VPS13A: variants seen among roughly 807,000 people sequenced by gnomAD.
VPS13A encodes the protein vacuolar protein sorting 13 homolog A, also known as intermembrane lipid transfer protein VPS13A.
A neutral mutation model predicts 390.9 loss-of-function variants in VPS13A; 264 were observed. That is an observed-to-expected ratio of 0.68 (90% CI 0.61 to 0.75). The LOEUF (loss-of-function observed/expected upper bound fraction) is 0.75, where lower values mean the gene tolerates loss of function less well. Among genes scored for constraint, VPS13A ranks in the 30% least tolerant of loss-of-function variants. The pLI is 0.00. For synonymous variants in VPS13A, 1,231 were observed against 1,227.1 expected (o/e 1.00, Z -0.07); for missense variants, 3,409 against 3,733.9 (o/e 0.91, Z 2.27).
At chr9:77,409,015 C>A (rs146023589) in intron 71 of VPS13A, among the ~76,000 whole-genome samples, 8,861 of 152,286 alleles carry the variant, frequency 0.058, 373 homozygotes, top group South Asian at 0.12. Flanking sequence ...GGTCCCTGAC[C>A]CCCAAGGAGC....
chr9:77,178,099 C>T (rs1823757530), intron 1 of VPS13A: 8 of 365,540 alleles, frequency 2.2e-5, no homozygotes, highest in Non-Finnish European at 1.0e-5. Flanking sequence ...GCGTTCAAGT[C>T]CCGGCGAGGG....
intron 69 of VPS13A, among the ~76,000 whole-genome samples, chr9:77,405,443 A>G (rs1321313702): frequency 6.6e-6 from 1 of 152,170 alleles, no homozygotes; most frequent in Non-Finnish European, 1.5e-5. Context: ...TGCCTTACAT[A>G]TTTGATTTTG....
intron 33 of VPS13A, among the ~76,000 whole-genome samples, chr9:77,301,206 A>T (rs948580877): frequency 6.6e-6 from 1 of 152,242 alleles, no homozygotes; most frequent in Non-Finnish European, 1.5e-5. Flanking sequence ...AGATATAGAT[A>T]TATAAAATAC....
At chr9:77,281,844 A>G (rs1182642428) in intron 27 of VPS13A, 23 bp from the exon 28 acceptor site, 14 of 1,548,984 alleles carry the variant, frequency 9.0e-6, no homozygotes, top group Non-Finnish European at 1.2e-5. Context: ...GTGTTCTAAC[A>G]GATTTGTTTT....
intron 34 of VPS13A, among the ~76,000 whole-genome samples, chr9:77,303,704 T>A (rs142351678): frequency 6.6e-6 from 1 of 152,124 alleles, no homozygotes; most frequent in Non-Finnish European, 1.5e-5. Context: ...AAAGAATCTA[T>A]GTCATAATTA....
chr9:77,339,506 TTTA>T lies in VPS13A; in HGVS notation c.6379-6_6379-4del, dbSNP rs1830705830. 2.6e-6 allele frequency: 4 copies of T among 1,526,744 alleles called. No individual in the cohort carries two copies. The African/African-American group carries it at 4.2e-5, about 16-fold the overall frequency. The allele number at this position is 1,526,744 out of a possible 1,614,324, so 94.6% of individuals were successfully genotyped here. On this transcript the variant is annotated splice_region_variant and splice_polypyrimidine_tract_variant and intron_variant, in intron 47 of 71. Coordinates refer to ENST00000360280, the MANE Select transcript of VPS13A (RefSeq NM_033305.3). ...TAAATTTTGTTTTGTTTTTTTTTTTTTTATTACAGGGAATTGAAAATTCGGTTT... is the reference window on the plus strand; with the variant it reads ...TAAATTTTGTTTTGTTTTTTTTTTTTTTACAGGGAATTGAAAATTCGGTTT...
rs1033367437 is a variant in VPS13A at position 77,387,146 on chromosome 9, AAGAC to A, written c.9189+5063_9189+5066del. 3.0e-4 allele frequency among the ~76,000 whole-genome samples: 46 copies of A among 152,120 alleles called. No individual in the cohort carries two copies. In the Middle Eastern group the frequency reaches 0.01, roughly 34 times the overall value. On this transcript the variant is annotated intron_variant, in intron 68 of 71. Transcript: ENST00000360280. ...TTTTCTCTAGTAAAAGCAAAAAAAA[AAGAC>A]AGAATTGCTCTTTTGTTTTACACCA...
intron 22 of VPS13A, among the ~76,000 whole-genome samples, chr9:77,257,030 T>G (rs1825488989): frequency 6.6e-6 from 1 of 152,190 alleles, no homozygotes; most frequent in Non-Finnish European, 1.5e-5. Context: ...TTTGTCATAT[T>G]GTTATTTGCT....
At chr9:77,213,459 G>T in intron 9 of VPS13A, 145 bp downstream of exon 9, 1 of 657,188 alleles carries the variant, frequency 1.5e-6, no homozygotes, top group Non-Finnish European at 2.7e-6. Context: ...GTGAAGATGT[G>T]TGTAACTATA....
chr9:77,192,029 G>A (rs1029126644), intron 1 of VPS13A, among the ~76,000 whole-genome samples: 3 of 152,152 alleles, frequency 2.0e-5, no homozygotes, highest in Non-Finnish European at 4.4e-5. Flanking sequence ...AGGTGCTCCA[G>A]TGTTGGGTAT....
intron 68 of VPS13A, among the ~76,000 whole-genome samples, chr9:77,401,329 T>TGTGTGTG (rs1834383525): frequency 2.1e-5 from 3 of 140,432 alleles, no homozygotes; most frequent in Non-Finnish European, 4.6e-5. Context: ...TCACATGAAG[T>TGTGTGTG]TGTGTGTGTG....
intron 17 of VPS13A, among the ~76,000 whole-genome samples, chr9:77,228,574 T>C (rs1238355570): frequency 6.6e-6 from 1 of 152,134 alleles, no homozygotes; most frequent in Admixed American, 6.5e-5. Context: ...TAAAGTAGCT[T>C]TGAGATGTAA....
chr9:77,412,989 T>C (rs1310886075), intron 71 of VPS13A, among the ~76,000 whole-genome samples: 1 of 152,168 alleles, frequency 6.6e-6, no homozygotes, highest in Non-Finnish European at 1.5e-5. Context: ...TGAACTCCCA[T>C]TCACAATTGC....
chr9:77,413,910 C>T (rs1170173640), intron 71 of VPS13A, among the ~76,000 whole-genome samples: 1 of 151,932 alleles, frequency 6.6e-6, no homozygotes, highest in African/African-American at 2.4e-5. Flanking sequence ...AAAAACAGCC[C>T]CATCAAAAAG....
chr9:77,207,244 TATATA>T (rs1197745156), intron 5 of VPS13A, among the ~76,000 whole-genome samples: 1 of 118,442 alleles, frequency 8.4e-6, no homozygotes, highest in Non-Finnish European at 1.8e-5. Flanking sequence ...TATATATATA[TATATA>T]TATAAAACGT....
At chr9:77,253,519 G>C (rs1825261914) in intron 22 of VPS13A, among the ~76,000 whole-genome samples, 1 of 151,992 alleles carries the variant, frequency 6.6e-6, no homozygotes, top group African/African-American at 2.4e-5. Context: ...GTTAGCCAGG[G>C]TGGGCTTGAT....
At chr9:77,305,034 G>A (rs1370344018) in intron 34 of VPS13A, among the ~76,000 whole-genome samples, 1 of 151,844 alleles carries the variant, frequency 6.6e-6, no homozygotes, top group African/African-American at 2.4e-5. Context: ...CGCCTCTGGG[G>A]TTCACGCCAT....
At chr9:77,361,765 A>G (rs771058702) in intron 59 of VPS13A, among the ~76,000 whole-genome samples, 4 of 152,118 alleles carry the variant, frequency 2.6e-5, no homozygotes, top group Non-Finnish European at 4.4e-5. Context: ...CATTCTTACC[A>G]GAGCATATGA....
At chr9:77,178,896 A>T (rs1823825795) in intron 1 of VPS13A, among the ~76,000 whole-genome samples, 1 of 151,904 alleles carries the variant, frequency 6.6e-6, no homozygotes, top group Non-Finnish European at 1.5e-5. Context: ...ACTTACCTTG[A>T]CTCTTCTCGT....
Sources: allele counts gnomAD v4.1 joint callset (sites outside exome capture counted in the v4.1 genomes callset), GRCh38; gene constraint gnomAD v4.1.1; transcripts MANE v1.5; gene names NCBI Gene and HGNC (gene_info 2026-07-23, HGNC 2026-07-21).